ADAM22: variants seen among roughly 807,000 people sequenced by gnomAD.
The protein encoded by ADAM22 is disintegrin and metalloproteinase domain-containing protein 22.
ADAM22 carries 65 observed loss-of-function variants against 144.6 expected under a neutral mutation model. The ratio of observed to expected loss-of-function variants is 0.45; its 90% CI spans 0.37 to 0.55. ADAM22 has a LOEUF of 0.55. Ranked by LOEUF, ADAM22 falls within the 20% of genes least tolerant of loss-of-function variation. ADAM22 has a pLI of 0.00. For missense variants in ADAM22, 974 were observed against 1,184.9 expected (o/e 0.82, Z 2.61); for synonymous variants, 391 against 412.6 (o/e 0.95, Z 0.63).
chr7:88,004,975 G>T (rs964671382), intron 3 of ADAM22, among the ~76,000 whole-genome samples: 4 of 152,154 alleles, frequency 2.6e-5, no homozygotes, highest in African/African-American at 9.7e-5. Flanking sequence ...CTAAATGTGA[G>T]AATTTAATGC....
At chr7:88,084,613 T>A (rs942301407) in intron 4 of ADAM22, among the ~76,000 whole-genome samples, 8 of 152,226 alleles carry the variant, frequency 5.3e-5, no homozygotes, top group Non-Finnish European at 7.3e-5. Context: ...CTCTTTGAGA[T>A]GTTTCTTTTT....
intron 3 of ADAM22, among the ~76,000 whole-genome samples, chr7:88,074,070 A>G (rs977730917): frequency 1.3e-5 from 2 of 152,182 alleles, no homozygotes; most frequent in Non-Finnish European, 2.9e-5. Flanking sequence ...ACTGGCATCT[A>G]TTAGGTAGAA....
At position 88,197,233 on chromosome 7, in the gene ADAM22, TAA is replaced by T. The variant is rs1330779319; in HGVS notation, c.*743_*744del. 6.6e-6 allele frequency: 1 copy of T among 152,286 alleles called. No homozygotes were observed. The highest frequency in any genetic ancestry group is 1.5e-5 in the Non-Finnish European group (1 of 68,088). 9.4% of individuals were successfully genotyped at this position (152,286 alleles called of 1,614,324 possible). ...TCCATCCAGTGATCTTCAAAGACTA[TAA>T]GCAGGTAATGTAAATATAGTGGTCA... is the stretch of plus-strand genomic sequence containing the variant. On this transcript the variant is annotated 3_prime_UTR_variant, in exon 32 of 32. Transcript: ENST00000413139.
chr7:87,976,803 A>G (rs1185042461), intron 2 of ADAM22, among the ~76,000 whole-genome samples: 2 of 151,976 alleles, frequency 1.3e-5, no homozygotes, highest in East Asian at 1.9e-4. Context: ...CTTATGTACC[A>G]TTATGCCTGG....
chr7:88,053,392 C>T (rs1807055497), intron 3 of ADAM22, among the ~76,000 whole-genome samples: 1 of 151,864 alleles, frequency 6.6e-6, no homozygotes, highest in Admixed American at 6.6e-5. Flanking sequence ...TCACTTGAGC[C>T]TGGGAGTTTG....
intron 3 of ADAM22, among the ~76,000 whole-genome samples, chr7:88,018,703 T>C (rs1797085391): frequency 6.6e-6 from 1 of 152,222 alleles, no homozygotes; most frequent in South Asian, 2.1e-4. Flanking sequence ...TATGTTCGCT[T>C]CCTATTTTAC....
chr7:88,049,509 C>T (rs1217760574), intron 3 of ADAM22, among the ~76,000 whole-genome samples: 2 of 152,198 alleles, frequency 1.3e-5, no homozygotes, highest in African/African-American at 4.8e-5. Context: ...AGCAATTCTC[C>T]TGCCTCAGCC....
intron 3 of ADAM22, among the ~76,000 whole-genome samples, chr7:87,979,126 G>A (rs560279586): frequency 6.6e-6 from 1 of 152,264 alleles, no homozygotes; most frequent in Admixed American, 6.5e-5. Context: ...TCTGAGCTGG[G>A]CAGAATTGGG....
At chr7:88,175,523 T>C (rs530283196) in intron 26 of ADAM22, among the ~76,000 whole-genome samples, 1 of 152,224 alleles carries the variant, frequency 6.6e-6, no homozygotes, top group East Asian at 1.9e-4. Context: ...GAGATACGTT[T>C]TGAGGGGGAA....
At chr7:88,005,699 G>T (rs1404175100) in intron 3 of ADAM22, among the ~76,000 whole-genome samples, 1 of 152,092 alleles carries the variant, frequency 6.6e-6, no homozygotes. Flanking sequence ...GCTTAACTTG[G>T]AATTTTACTA....
chr7:88,192,322 T>C (rs1203363706), intron 30 of ADAM22, among the ~76,000 whole-genome samples: 1 of 152,210 alleles, frequency 6.6e-6, no homozygotes, highest in African/African-American at 2.4e-5. Flanking sequence ...CAGACATTTT[T>C]TACTCAGCTG....
chr7:88,040,989 A>G (rs1224532460), intron 3 of ADAM22, among the ~76,000 whole-genome samples: 1 of 152,026 alleles, frequency 6.6e-6, no homozygotes, highest in Non-Finnish European at 1.5e-5. Flanking sequence ...TAGGCAGTTT[A>G]TAATATGGCA....
In ADAM22 at chr7:87,953,193, G is replaced by A. The variant is rs1212301050; in HGVS notation, c.246+18007G>A. 2.6e-5 allele frequency among the ~76,000 whole-genome samples: 4 copies of A among 151,908 alleles called. No homozygotes were observed. The East Asian group carries it at 7.7e-4, about 29-fold the overall frequency. On this transcript the variant is annotated intron_variant, in intron 2 of 31. Transcript: ENST00000413139. The stretch of plus-strand genomic sequence containing the variant: ...TCTTGCCTTCTGCTAGCTTTTGAAT[G>A]TGTTTGTTCTTGCTTTTCTAGTTCT...
chr7:88,063,243 A>T (rs1430740353), intron 3 of ADAM22, among the ~76,000 whole-genome samples: 1 of 152,202 alleles, frequency 6.6e-6, no homozygotes, highest in Admixed American at 6.5e-5. Context: ...CAAAGAGATA[A>T]CTACTGCATT....
In ADAM22 at chr7:88,114,720, AT is replaced by A; in HGVS notation, c.537+74del. 5.1e-6 allele frequency: 7 copies of A among 1,361,702 alleles called. No individual in the cohort carries two copies. The South Asian group carries it at 8.7e-5, about 17-fold the overall frequency. The allele number at this position is 1,361,702 out of a possible 1,614,324, so 84.4% of individuals were successfully genotyped here. On this transcript the variant is annotated intron_variant, in intron 6 of 31. Coordinates refer to ENST00000413139, the MANE Select transcript of ADAM22 (RefSeq NM_001324418.2). ...AGAGCTTTTTTCCTCTCCTTTTTTT[AT>A]CTCTACTTTATTTCATTTTTATATT... is the stretch of plus-strand genomic sequence containing the variant.
chr7:87,944,816 G>GTTTTT (rs11311070), intron 2 of ADAM22, among the ~76,000 whole-genome samples: 1 of 127,022 alleles, frequency 7.9e-6, no homozygotes, highest in East Asian at 2.5e-4. Context: ...GGAAACTTGT[G>GTTTTT]TTTTTTTTTT....
intron 2 of ADAM22, among the ~76,000 whole-genome samples, chr7:87,966,891 G>A (rs71570593): frequency 9.2e-5 from 14 of 151,564 alleles, no homozygotes; most frequent in Admixed American, 3.9e-4. Flanking sequence ...CTGTGTCCCC[G>A]CCCACATCTC....
chr7:88,044,479 C>A (rs1227131785), intron 3 of ADAM22, among the ~76,000 whole-genome samples: 1 of 152,186 alleles, frequency 6.6e-6, no homozygotes, highest in Non-Finnish European at 1.5e-5. Context: ...TGGAGTCTCA[C>A]TCTGTCTCCC....
At chr7:88,193,617 C>T (rs73397608) in intron 31 of ADAM22, among the ~76,000 whole-genome samples, 6,877 of 152,232 alleles carry the variant, frequency 0.045, 530 homozygotes, top group African/African-American at 0.16. Context: ...TACAGTGGAG[C>T]TTAGAGAGGC....
Sources: allele counts gnomAD v4.1 joint callset (sites outside exome capture counted in the v4.1 genomes callset), GRCh38; gene constraint gnomAD v4.1.1; transcripts MANE v1.5; gene names NCBI Gene and HGNC (gene_info 2026-07-23, HGNC 2026-07-21).